Variants in LRTM3 observed in about 807,000 individuals in gnomAD.
LRTM3 encodes the protein leucine rich repeat transmembrane protein 3, also known as leucine-rich repeat transmembrane protein 3.
chr13:102,737,094 T>G, the LRTM3 span: 2 of 1,551,198 alleles, frequency 1.3e-6, no homozygotes, highest in Non-Finnish European at 1.7e-6. Context: ...CTGCCAGGGA[T>G]ATTGAGTGTA....
At chr13:102,739,922 C>G in the LRTM3 span, 3 of 1,550,306 alleles carry the variant, frequency 1.9e-6, no homozygotes, top group Non-Finnish European at 8.7e-7. Context: ...TGAGGCACCA[C>G]AGTCACTGGT....
chr13:102,732,852 C>T, the LRTM3 span: 5 of 1,551,164 alleles, frequency 3.2e-6, no homozygotes, highest in Non-Finnish European at 4.4e-6. Flanking sequence ...TTTTTCTGCT[C>T]TAGATTTATA....
At chr13:102,753,294 G>A in the LRTM3 span, among the ~76,000 whole-genome samples, 1 of 152,010 alleles carries the variant, frequency 6.6e-6, no homozygotes, top group Admixed American at 6.5e-5. Context: ...ACACAAGGAG[G>A]GGAACATCAC....
the LRTM3 span, chr13:102,742,499 T>A: frequency 6.5e-7 from 1 of 1,550,366 alleles, no homozygotes; most frequent in Non-Finnish European, 8.7e-7. Flanking sequence ...GTTTTCAATT[T>A]GAAGTGGATG....
At chr13:102,732,615 T>G in the LRTM3 span, 1 of 1,551,218 alleles carries the variant, frequency 6.4e-7, no homozygotes, top group Non-Finnish European at 8.7e-7. Flanking sequence ...CTGTTCTCCC[T>G]ATGAGTGATG....
At chr13:102,732,816 C>A in the LRTM3 span, 4 of 1,551,396 alleles carry the variant, frequency 2.6e-6, no homozygotes, top group Non-Finnish European at 3.5e-6. Context: ...TTCTGATTCA[C>A]AGTACTATCA....
chr13:102,757,726 T>C, the LRTM3 span, among the ~76,000 whole-genome samples: 18 of 152,336 alleles, frequency 1.2e-4, no homozygotes, highest in Middle Eastern at 6.8e-3. Context: ...CTAGGCTGGC[T>C]TAGGTATCTC....
the LRTM3 span, chr13:102,737,026 T>C: frequency 1.3e-6 from 2 of 1,551,162 alleles, no homozygotes; most frequent in South Asian, 2.4e-5. Context: ...TTCTTTCCTG[T>C]ACATGTCTCA....
At chr13:102,744,920 C>A in the LRTM3 span, 1 of 1,550,700 alleles carries the variant, frequency 6.4e-7, no homozygotes, top group Non-Finnish European at 8.7e-7. Flanking sequence ...TTCCCCCATA[C>A]ATTTCCTATC....
the LRTM3 span, chr13:102,747,839 T>C: frequency 6.4e-7 from 1 of 1,551,200 alleles, no homozygotes; most frequent in Admixed American, 2.0e-5. Flanking sequence ...TTGCTCTTTA[T>C]TTGGGGCTTT....
At chr13:102,745,236 CCT>C in the LRTM3 span, 1 of 1,550,844 alleles carries the variant, frequency 6.4e-7, no homozygotes, top group Non-Finnish European at 8.7e-7. Context: ...AACAATGCCT[CCT>C]GTTTCCTTTC....
the LRTM3 span, chr13:102,743,522 C>T: frequency 5.8e-6 from 9 of 1,548,738 alleles, no homozygotes; most frequent in African/African-American, 1.4e-5. Context: ...CATAGTTAAA[C>T]ATTTGGGATT....
the LRTM3 span, chr13:102,733,232 G>A: frequency 6.4e-7 from 1 of 1,551,280 alleles, no homozygotes; most frequent in Non-Finnish European, 8.7e-7. Flanking sequence ...TATATTTTGG[G>A]GGGCATTCCA....
At chr13:102,748,436 T>C in the LRTM3 span, 3 of 1,551,154 alleles carry the variant, frequency 1.9e-6, no homozygotes, top group African/African-American at 1.4e-5. Context: ...AAAATCTTTT[T>C]GTTTCTGTGT....
chr13:102,745,910 G>A, the LRTM3 span: 2 of 1,551,102 alleles, frequency 1.3e-6, no homozygotes, highest in Non-Finnish European at 1.7e-6. Flanking sequence ...CTGAATATTT[G>A]TACTTCCTGG....
the LRTM3 span, among the ~76,000 whole-genome samples, chr13:102,751,178 T>A: frequency 6.6e-6 from 1 of 152,042 alleles, no homozygotes; most frequent in Admixed American, 6.6e-5. Flanking sequence ...GTTAAAGGCC[T>A]GGATAGAACA....
At chr13:102,738,381 C>G in the LRTM3 span, 1 of 1,550,864 alleles carries the variant, frequency 6.4e-7, no homozygotes, top group Non-Finnish European at 8.7e-7. Flanking sequence ...ACATACTCTG[C>G]TTTTTCTCTC....
chr13:102,753,274 G>A, the LRTM3 span, among the ~76,000 whole-genome samples: 3 of 152,030 alleles, frequency 2.0e-5, no homozygotes, highest in East Asian at 1.9e-4. Context: ...CTAACAATGA[G>A]AACACATGGA....
the LRTM3 span, among the ~76,000 whole-genome samples, chr13:102,753,509 GAAAAGAAAAAA>G: frequency 8.4e-5 from 11 of 130,614 alleles, no homozygotes; most frequent in African/African-American, 3.0e-4. Flanking sequence ...AAAAAAAAAA[GAAAAGAAAAAA>G]AAAAGAAAAG....
Sources: allele counts gnomAD v4.1 joint callset (sites outside exome capture counted in the v4.1 genomes callset), GRCh38; gene constraint gnomAD v4.1.1; transcripts MANE v1.5; gene names NCBI Gene and HGNC (gene_info 2026-07-23, HGNC 2026-07-21).